GNAI2: variants seen among roughly 807,000 people sequenced by gnomAD.
GNAI2 encodes the protein G protein subunit alpha i2, also known as guanine nucleotide-binding protein G(i) subunit alpha-2.
Under a neutral mutation model 36.8 loss-of-function variants are expected in GNAI2, and 4 were observed. That is an observed-to-expected ratio of 0.11 (90% CI 0.05 to 0.25). The LOEUF (loss-of-function observed/expected upper bound fraction) is 0.25. Among genes scored for constraint, GNAI2 ranks in the 10% least tolerant of loss-of-function variants. The pLI, the probability that GNAI2 is intolerant of heterozygous loss-of-function variation, is 1.00. For synonymous variants in GNAI2, 194 were observed against 194.1 expected (o/e 1.00, Z 0.01); for missense variants, 230 against 481.3 (o/e 0.48, Z 4.89).
chr3:50,234,716 A>T (rs1360635511), upstream of GNAI2, among the ~76,000 whole-genome samples: 11 of 152,174 alleles, frequency 7.2e-5, no homozygotes, highest in South Asian at 2.3e-3. Flanking sequence ...GGTGGCAAGC[A>T]CCCTGTCTTG....
Position 50,236,583 on chromosome 3 carries a change from C to T in GNAI2, c.118+130C>T. The T allele has an allele frequency of 7.7e-7, 1 of 1,302,774 alleles. No individual in the cohort carries two copies. Among genetic ancestry groups the T allele is most frequent in the Non-Finnish European group, 1.0e-6 (1 of 985,398 alleles). The allele number at this position is 1,302,774 out of a possible 1,614,324, so 80.7% of individuals were successfully genotyped here. ...CTGGGACCCCACACCTGGGCCAGGA[C>T]CAGGGTTGAAAACTCTAGATTGGAC... is the stretch of plus-strand genomic sequence containing the variant. On this transcript the variant is annotated intron_variant, in intron 1 of 8. Transcript: ENST00000313601. The surrounding 1 kb of genome is among the most constrained non-coding windows in gnomAD (Gnocchi z 4.0).
At position 50,251,294 on chromosome 3, in the gene GNAI2, T is replaced by G. The variant is rs587668269; in HGVS notation, c.119-806T>G. 3.9e-3 allele frequency: 3,304 copies of G among 843,410 alleles called. 12 individuals carry two copies. The highest frequency in any genetic ancestry group is 4.5e-3 in the Non-Finnish European group (3,151 of 699,962). The allele number at this position is 843,410 out of a possible 1,614,324, so 52.2% of individuals were successfully genotyped here. On this transcript the variant is annotated intron_variant, in intron 1 of 8. Transcript: ENST00000313601. ...AGCCTCAATGTCCTCATCTGTAGAA[T>G]GGGAACAGAAACAGTATCTGCTGTG...
At chr3:50,251,620 G>A (rs1559773137) in intron 1 of GNAI2, 1 of 1,289,626 alleles carries the variant, frequency 7.8e-7, no homozygotes, top group South Asian at 1.3e-5. Flanking sequence ...TCCTGCTTAG[G>A]CCCCTGGTTG....
chr3:50,256,169 A>ACCCCCCCCC, intron 4 of GNAI2, 23 bp from the exon 5 acceptor site: 1 of 735,362 alleles, frequency 1.4e-6, no homozygotes, highest in Non-Finnish European at 2.3e-6. Context: ...GCCCCCACTG[A>ACCCCCCCCC]CCCTCCCACC....
intron 1 of GNAI2, among the ~76,000 whole-genome samples, chr3:50,246,328 C>T (rs1553701770): frequency 1.3e-5 from 2 of 152,232 alleles, no homozygotes; most frequent in South Asian, 2.1e-4. Context: ...CTGCCCAGCC[C>T]CCACTTCCTT....
intron 1 of GNAI2, among the ~76,000 whole-genome samples, chr3:50,250,969 C>G (rs1184926841): frequency 1.3e-5 from 2 of 152,188 alleles, no homozygotes; most frequent in Non-Finnish European, 2.9e-5. Context: ...GCCACCACGC[C>G]TGGCTAGTTT....
chr3:50,242,383 G>A lies in GNAI2; in HGVS notation c.118+5930G>A, dbSNP rs1700318484. ...CCCAGCCTAGGAGTTGAGCGAGGAG[G>A]GGAAGGGGTCAGCAGGTTCTGGCCA... is the stretch of plus-strand genomic sequence containing the variant. On this transcript the variant is annotated intron_variant, in intron 1 of 8. Transcript: ENST00000313601. This position sits in a 1 kb window ranked among gnomAD's most constrained non-coding sequence, Gnocchi z 4.8. Among the ~76,000 whole-genome samples the A allele has an allele frequency of 6.6e-6, 1 of 152,190 alleles. No homozygotes were observed.
upstream of GNAI2, chr3:50,227,237 G>C: frequency 8.0e-7 from 1 of 1,242,904 alleles, no homozygotes; most frequent in Non-Finnish European, 1.1e-6. This position sits in a 1 kb window ranked among gnomAD's most constrained non-coding sequence, Gnocchi z 5.9. Flanking sequence ...TGGCGAGGTG[G>C]GGCCCCGCGC....
intron 1 of GNAI2, among the ~76,000 whole-genome samples, chr3:50,249,507 C>T (rs1426853967): frequency 3.9e-5 from 6 of 152,198 alleles, no homozygotes; most frequent in South Asian, 2.1e-4. Context: ...GTATATATCC[C>T]GGTACACACC....
chr3:50,256,169 A>ACCCCCCCC, intron 4 of GNAI2, 23 bp from the exon 5 acceptor site: 4 of 735,362 alleles, frequency 5.4e-6, no homozygotes, highest in Admixed American at 2.0e-5. Flanking sequence ...GCCCCCACTG[A>ACCCCCCCC]CCCTCCCACC....
chr3:50,244,056 T>G, intron 1 of GNAI2, among the ~76,000 whole-genome samples: 1 of 136,954 alleles, frequency 7.3e-6, no homozygotes. Flanking sequence ...TGAGATGGAG[T>G]CTCACTCTGT....
Position 50,241,949 on chromosome 3 carries a change from G to A in GNAI2, c.118+5496G>A, listed in dbSNP as rs891637401. The stretch of plus-strand genomic sequence containing the variant: ...CAGCAGGTAGTGCTGAGGGTGGGGT[G>A]TGGTCAGGTCCCAGCAAGGTCCCTA... On this transcript the variant is annotated intron_variant, in intron 1 of 8. Coordinates refer to ENST00000313601, the MANE Select transcript of GNAI2 (RefSeq NM_002070.4). This position sits in a 1 kb window ranked among gnomAD's most constrained non-coding sequence, Gnocchi z 5.0. 8.5e-5 allele frequency among the ~76,000 whole-genome samples: 13 copies of A among 152,178 alleles called. No individual in the cohort carries two copies. The highest frequency in any genetic ancestry group is 3.1e-4 in the African/African-American group (13 of 41,436).
At position 50,253,270 on chromosome 3, in the gene GNAI2, A is replaced by AGTGTCCTTCTG; in HGVS notation, c.464+87_464+88insTGTCCTTCTGG. 9.5e-7 allele frequency: 1 copy of AGTGTCCTTCTG among 1,049,632 alleles called. No homozygotes were observed. The highest frequency in any genetic ancestry group is 1.4e-6 in the Non-Finnish European group (1 of 723,840). 65.0% of individuals were successfully genotyped at this position (1,049,632 alleles called of 1,614,324 possible). A position where few individuals can be genotyped will look rare whatever the true frequency, so the allele number is the denominator to read the frequency against. On this transcript the variant is annotated intron_variant, in intron 4 of 8. Transcript: ENST00000313601. The surrounding 1 kb of genome is among the most constrained non-coding windows in gnomAD (Gnocchi z 4.2). ...ACCGGAGGGCCTGAGAACCCCCAGA[A>AGTGTCCTTCTG]GGACACTGCTGGTCTTTGCTTATGA...
At chr3:50,240,555 G>A (rs1700276737) in intron 1 of GNAI2, among the ~76,000 whole-genome samples, 1 of 152,158 alleles carries the variant, frequency 6.6e-6, no homozygotes, top group Non-Finnish European at 1.5e-5. Flanking sequence ...CTCATAACCT[G>A]GGGGCAGAGT....
rs1700323585 is a variant in GNAI2 at position 50,242,653 on chromosome 3, C to T, written c.118+6200C>T. 6.6e-6 allele frequency among the ~76,000 whole-genome samples: 1 copy of T among 152,158 alleles called. No homozygotes were observed. The highest frequency in any genetic ancestry group is 2.4e-5 in the African/African-American group (1 of 41,434). ...GTTACTTCTTGGGGCTGTGGCTGCT[C>T]TTGGTGGCTGGGGAGGAAGAATCTT... On this transcript the variant is annotated intron_variant, in intron 1 of 8. Transcript: ENST00000313601. The surrounding 1 kb of genome is among the most constrained non-coding windows in gnomAD (Gnocchi z 4.8).
At chr3:50,244,777 G>A (rs1234322234) in intron 1 of GNAI2, among the ~76,000 whole-genome samples, 2 of 152,166 alleles carry the variant, frequency 1.3e-5, no homozygotes, top group African/African-American at 4.8e-5. Context: ...GTGTTGCCAG[G>A]CCAGGCCGTA....
At chr3:50,239,329 T>C (rs1473817850) in intron 1 of GNAI2, among the ~76,000 whole-genome samples, 1 of 152,212 alleles carries the variant, frequency 6.6e-6, no homozygotes. Context: ...CCTACTTGAT[T>C]GTTCTTTAAA....
chr3:50,252,434 C>T lies in GNAI2; in HGVS notation c.199C>T (p.Arg67Trp), dbSNP rs782461705. 26 of 1,613,530 alleles carry T rather than the reference C, an allele frequency of 1.6e-5. No homozygotes were observed. The highest frequency in any genetic ancestry group is 3.3e-5 in the Admixed American group (2 of 59,998). ...GGATGGCTACTCCGAGGAGGAATGC[C>T]GGCAGTACCGGGCGGTTGTCTACAG... The part of the protein sequence containing the change: ...HEDGYSEEEC[R>W]QYRAVVYSNT... The change falls in exon 3 of 9, where the codon CGG becomes TGG. Residue 67 changes from arginine (R) to tryptophan (W), a missense_variant. Around this residue, in one of 4 missense-constraint regions of GNAI2, gnomAD observed 132 missense variants for 247.4 expected, o/e 0.53. Transcript: ENST00000313601. This position sits in a 1 kb window ranked among gnomAD's most constrained non-coding sequence, Gnocchi z 4.1.
chr3:50,254,353 G>A (rs2282751), intron 4 of GNAI2, among the ~76,000 whole-genome samples: 50,567 of 151,990 alleles, frequency 0.33, 13,054 homozygotes, highest in African/African-American at 0.68. Context: ...GCTTAAGCCA[G>A]TCCCCTCTGA....
Sources: allele counts gnomAD v4.1 joint callset (sites outside exome capture counted in the v4.1 genomes callset), GRCh38; gene constraint gnomAD v4.1.1; regional missense constraint gnomAD v4.1.1; non-coding constraint Gnocchi (gnomAD v3.1); transcripts MANE v1.5; gene names NCBI Gene and HGNC (gene_info 2026-07-23, HGNC 2026-07-21).